BRINP2: variants seen among roughly 807,000 people sequenced by gnomAD.
BRINP2 encodes the protein BMP/retinoic acid inducible neural specific 2.
A neutral mutation model predicts 69.2 loss-of-function variants in BRINP2; 21 were observed. The ratio of observed to expected loss-of-function variants is 0.30; its 90% CI spans 0.22 to 0.44. The LOEUF is 0.44. Ranked by LOEUF, BRINP2 falls within the 20% of genes least tolerant of loss-of-function variation. The probability of loss-of-function intolerance (pLI) is 1.00; values close to 1 mark genes in which losing one functional copy is unlikely to be tolerated. For synonymous variants in BRINP2, 380 were observed against 394.1 expected (o/e 0.96, Z 0.42); for missense variants, 877 against 986.0 (o/e 0.89, Z 1.48).
chr1:177,247,984 G>T (rs1366892658), intron 2 of BRINP2, among the ~76,000 whole-genome samples: 2 of 152,180 alleles, frequency 1.3e-5, no homozygotes, highest in Non-Finnish European at 2.9e-5. Context: ...AGAGCTGCAT[G>T]CTTAGGATAC....
At chr1:177,279,428 A>G (rs886127465) in intron 7 of BRINP2, among the ~76,000 whole-genome samples, 18 of 152,250 alleles carry the variant, frequency 1.2e-4, no homozygotes, top group African/African-American at 3.9e-4. Context: ...AATCAAACGG[A>G]TAGTCTCCTA....
intron 1 of BRINP2, among the ~76,000 whole-genome samples, chr1:177,183,825 G>A (rs1648337337): frequency 6.6e-6 from 1 of 152,130 alleles, no homozygotes; most frequent in Non-Finnish European, 1.5e-5. Flanking sequence ...TGTGCTTTGG[G>A]TTCCTCTGGT....
At chr1:177,232,272 ACCTGGG>A (rs1036578802) in intron 2 of BRINP2, among the ~76,000 whole-genome samples, 1 of 152,156 alleles carries the variant, frequency 6.6e-6, no homozygotes, top group African/African-American at 2.4e-5. Flanking sequence ...GCCACTTAGC[ACCTGGG>A]CGGCAGCTCC....
intron 1 of BRINP2, among the ~76,000 whole-genome samples, chr1:177,193,082 C>G (rs1259717472): frequency 1.3e-5 from 2 of 152,176 alleles, no homozygotes; most frequent in Non-Finnish European, 2.9e-5. Context: ...GGTTGTGAAG[C>G]GTAAACTGCT....
At chr1:177,249,482 G>T (rs1650512151) in intron 2 of BRINP2, among the ~76,000 whole-genome samples, 1 of 152,096 alleles carries the variant, frequency 6.6e-6, no homozygotes, top group Admixed American at 6.5e-5. Context: ...CTTTACATAG[G>T]GACTATAGGG....
intron 1 of BRINP2, among the ~76,000 whole-genome samples, chr1:177,217,874 A>C (rs72720770): frequency 0.068 from 10,344 of 152,288 alleles, 405 homozygotes; most frequent in Non-Finnish European, 0.092. Context: ...CTGCAATCAC[A>C]TCTTGTCTGG....
rs376228668 is a variant in BRINP2, at chr1:177,207,160, A to ACCT, written c.-76-22638_-76-22636dup. Among the ~76,000 whole-genome samples, 914 of 151,964 alleles carry ACCT rather than the reference A, an allele frequency of 6.0e-3. 9 individuals are homozygous for ACCT. The highest frequency in any genetic ancestry group is 0.021 in the African/African-American group (870 of 41,430). ...TCTGAATTAAAAACTCCAGGTCTCT[A>ACCT]CCTCCCCTCCTTTTCTAAGTAAAGG... On this transcript the variant is annotated intron_variant, in intron 1 of 7. Transcript: ENST00000361539.
At chr1:177,188,165 T>C (rs1210597880) in intron 1 of BRINP2, among the ~76,000 whole-genome samples, 2 of 152,246 alleles carry the variant, frequency 1.3e-5, no homozygotes, top group African/African-American at 4.8e-5. Flanking sequence ...TTTTGTGACT[T>C]CTTTACAGCA....
At chr1:177,213,290 G>A (rs929156327) in intron 1 of BRINP2, among the ~76,000 whole-genome samples, 15 of 152,254 alleles carry the variant, frequency 9.9e-5, no homozygotes, top group Middle Eastern at 3.4e-3. Context: ...GAGTTGTCCT[G>A]TGCATTATAG....
intron 2 of BRINP2, among the ~76,000 whole-genome samples, chr1:177,254,846 G>A (rs938518167): frequency 4.6e-5 from 7 of 152,250 alleles, no homozygotes; most frequent in African/African-American, 9.6e-5. Flanking sequence ...ATTTAAAGAC[G>A]TTGAAGAGAT....
chr1:177,206,279 C>T (rs1430728346), intron 1 of BRINP2, among the ~76,000 whole-genome samples: 3 of 152,194 alleles, frequency 2.0e-5, no homozygotes, highest in Non-Finnish European at 2.9e-5. Flanking sequence ...AAATTTCTGA[C>T]CCACAGAGAT....
At chr1:177,238,807 T>C (rs1020108012) in intron 2 of BRINP2, among the ~76,000 whole-genome samples, 1 of 152,230 alleles carries the variant, frequency 6.6e-6, no homozygotes, top group African/African-American at 2.4e-5. Context: ...GAGATATTAA[T>C]GACATTAATG....
At chr1:177,262,751 G>C (rs946819221) in intron 4 of BRINP2, among the ~76,000 whole-genome samples, 1 of 152,160 alleles carries the variant, frequency 6.6e-6, no homozygotes, top group African/African-American at 2.4e-5. Flanking sequence ...TAAACAGAAG[G>C]AAAGTCTTTG....
intron 2 of BRINP2, among the ~76,000 whole-genome samples, chr1:177,251,826 T>C (rs1179812314): frequency 3.3e-5 from 5 of 152,180 alleles, no homozygotes; most frequent in African/African-American, 4.8e-5. Flanking sequence ...TAAGTTGGCC[T>C]TTCCTTTCCG....
chr1:177,220,835 G>A (rs1649507068), intron 1 of BRINP2, among the ~76,000 whole-genome samples: 1 of 152,142 alleles, frequency 6.6e-6, no homozygotes, highest in South Asian at 2.1e-4. Flanking sequence ...CATGGTGGAG[G>A]AGTACGCCTA....
intron 1 of BRINP2, among the ~76,000 whole-genome samples, chr1:177,222,836 G>A (rs1002239145): frequency 1.3e-5 from 2 of 152,126 alleles, no homozygotes; most frequent in Non-Finnish European, 2.9e-5. Flanking sequence ...TGGAACAGCC[G>A]ATCAGGGGAG....
chr1:177,220,690 T>C (rs1053690986), intron 1 of BRINP2, among the ~76,000 whole-genome samples: 1 of 152,084 alleles, frequency 6.6e-6, no homozygotes, highest in Non-Finnish European at 1.5e-5. Context: ...TCTTACACCT[T>C]AGATGGACAT....
At chr1:177,199,317 G>A (rs539520037) in intron 1 of BRINP2, among the ~76,000 whole-genome samples, 209 of 152,122 alleles carry the variant, frequency 1.4e-3, no homozygotes, top group Non-Finnish European at 2.5e-3. Flanking sequence ...GAGCACTTTT[G>A]TTTGACTTTT....
chr1:177,229,694 C>T, intron 1 of BRINP2, 107 bp from the exon 2 acceptor site: 1 of 733,898 alleles, frequency 1.4e-6, no homozygotes, highest in Non-Finnish European at 2.1e-6. Flanking sequence ...AGTTATGTTA[C>T]TAGCATAAAG....
Sources: allele counts gnomAD v4.1 joint callset (sites outside exome capture counted in the v4.1 genomes callset), GRCh38; gene constraint gnomAD v4.1.1; transcripts MANE v1.5; gene names NCBI Gene and HGNC (gene_info 2026-07-23, HGNC 2026-07-21).